PWWP2B: variants seen among roughly 807,000 people sequenced by gnomAD.
The protein encoded by PWWP2B is PWWP domain-containing protein 2B.
PWWP2B carries 9 observed loss-of-function variants against 15.5 expected under a neutral mutation model. The ratio of observed to expected loss-of-function variants is 0.58; its 90% CI spans 0.35 to 1.02. The LOEUF (loss-of-function observed/expected upper bound fraction) is 1.02. PWWP2B is among the 50% of genes least tolerant of loss of function. The pLI is 0.02. For missense variants in PWWP2B, 864 were observed against 865.3 expected (o/e 1.00, Z 0.02); for synonymous variants, 474 against 403.6 (o/e 1.17, Z -2.09).
chr10:132,414,293 G>C (rs2069817126), intron 2 of PWWP2B, among the ~76,000 whole-genome samples: 1 of 152,268 alleles, frequency 6.6e-6, no homozygotes, highest in East Asian at 1.9e-4. Flanking sequence ...AGGTCATGCT[G>C]TTGTTGATGG....
At chr10:132,401,042 G>A (rs545910647) in intron 1 of PWWP2B, among the ~76,000 whole-genome samples, 2 of 152,362 alleles carry the variant, frequency 1.3e-5, no homozygotes, top group East Asian at 3.9e-4. Flanking sequence ...GCAGACCTCA[G>A]GCCTGGGCCT....
At position 132,417,118 on chromosome 10, in the gene PWWP2B, C is replaced by T; in HGVS notation, c.*74C>T. ...GGAGCTTCCGATCTCTGTTCGGGGA[C>T]CCTGTGAGCCTTCTGGCCGGCTGCG... On this transcript the variant is annotated 3_prime_UTR_variant, in exon 3 of 3. Coordinates refer to ENST00000305233, the MANE Select transcript of PWWP2B (RefSeq NM_138499.4). The T allele has an allele frequency of 1.2e-6, 2 of 1,612,602 alleles. No individual in the cohort carries two copies. The highest frequency in any genetic ancestry group is 1.7e-5 in the Admixed American group (1 of 60,006).
In PWWP2B at chr10:132,417,832, A is replaced by G. The variant is rs1399957166; in HGVS notation, c.*788A>G. ...CTCTTTTTTGTCACTTTAAAGACCA[A>G]AAAGAATAAAGAAAGAAAAGAAAAA... On this transcript the variant is annotated 3_prime_UTR_variant, in exon 3 of 3. Coordinates refer to ENST00000305233, the MANE Select transcript of PWWP2B (RefSeq NM_138499.4). 1 of 152,292 alleles carries G rather than the reference A, an allele frequency of 6.6e-6. No homozygotes were observed. Among genetic ancestry groups the G allele is most frequent in the Non-Finnish European group, 1.5e-5 (1 of 68,052 alleles). The allele number at this position is 152,292 out of a possible 1,614,324, so 9.4% of individuals were successfully genotyped here. A position where few individuals can be genotyped will look rare whatever the true frequency, so the allele number is the denominator to read the frequency against.
chr10:132,408,325 A>G (rs1298217361), intron 2 of PWWP2B, among the ~76,000 whole-genome samples: 1 of 152,094 alleles, frequency 6.6e-6, no homozygotes, highest in Non-Finnish European at 1.5e-5. Flanking sequence ...TCCTTGAGGG[A>G]CACGTTTGCT....
intron 1 of PWWP2B, among the ~76,000 whole-genome samples, chr10:132,402,276 G>A (rs2069624531): frequency 6.6e-6 from 1 of 152,256 alleles, no homozygotes; most frequent in Non-Finnish European, 1.5e-5. Context: ...AGTGGTCAGG[G>A]TGCCATGTTC....
rs1254230928 is a variant in PWWP2B at position 132,417,235 on chromosome 10, G to A, written c.*191G>A. ...GGGAGGGGATGGCCCTGAGCCCAGC[G>A]GCTCCTCCCGCTGAGTGTATTTCTT... On this transcript the variant is annotated 3_prime_UTR_variant, in exon 3 of 3. Transcript: ENST00000305233. The A allele has an allele frequency of 7.9e-6, 6 of 760,380 alleles. No individual in the cohort carries two copies. The highest frequency in any genetic ancestry group is 1.4e-5 in the Non-Finnish European group (6 of 442,250). 47.1% of individuals were successfully genotyped at this position (760,380 alleles called of 1,614,324 possible). A position where few individuals can be genotyped will look rare whatever the true frequency, so the allele number is the denominator to read the frequency against.
At position 132,405,965 on chromosome 10, in the gene PWWP2B, G is replaced by T. The variant is rs770045919; in HGVS notation, c.1465G>T (p.Ala489Ser). 1 of 1,613,528 alleles carries T rather than the reference G, an allele frequency of 6.2e-7. No homozygotes were observed. Among genetic ancestry groups the T allele is most frequent in the Non-Finnish European group, 8.5e-7 (1 of 1,180,022 alleles). The change falls in exon 2 of 3, where the codon GCC becomes TCC. Residue 489 changes from alanine to serine, a missense_variant. Physicochemically the swap from Ala to Ser is moderately conservative, Grantham distance 99. This residue lies in a region of PWWP2B where 128 missense variants were observed against 177.6 expected (regional missense o/e 0.72). Transcript: ENST00000305233. ...ECITEDGRTV[A>S]VGDIVWGKIH... ...CATCACGGAGGACGGCAGGACTGTG[G>T]CCGTGGGGGACATCGTCTGGGGTAA...
Position 132,402,536 on chromosome 10 carries a change from T to C in PWWP2B, c.126-2090T>C, listed in dbSNP as rs759717996. On this transcript the variant is annotated intron_variant, in intron 1 of 2. Coordinates refer to ENST00000305233, the MANE Select transcript of PWWP2B (RefSeq NM_138499.4). ...GGCGTGTGCACCAGCGTGAGGAGTG[T>C]GCATGCACATGGACGTGCTTCTGTG... Among the ~76,000 whole-genome samples the C allele has an allele frequency of 2.0e-5, 3 of 152,244 alleles. No homozygotes were observed. The East Asian group carries it at 5.8e-4, about 29-fold the overall frequency.
intron 2 of PWWP2B, among the ~76,000 whole-genome samples, chr10:132,407,093 C>T (rs1053561073): frequency 1.8e-4 from 27 of 152,258 alleles, no homozygotes; most frequent in African/African-American, 6.0e-4. Context: ...GGGCTGGGGG[C>T]ACCACCCATG....
intron 2 of PWWP2B, among the ~76,000 whole-genome samples, chr10:132,414,653 G>A (rs1456926953): frequency 6.6e-6 from 1 of 152,234 alleles, no homozygotes. Flanking sequence ...GGCTCAGTTT[G>A]CCTTGTTACA....
chr10:132,405,148 G>A lies in PWWP2B; in HGVS notation c.648G>A (p.Glu216=), dbSNP rs1433616197. 1.9e-6 allele frequency: 3 copies of A among 1,546,320 alleles called. No individual in the cohort carries two copies. The highest frequency in any genetic ancestry group is 1.2e-5 in the South Asian group (1 of 84,246). ...SGPDRELRKP[E]EPENGEPTAA... is the part of the protein sequence containing the mutation. ...CGGACAGGGAGCTCCGCAAGCCGGAGGAGCCGGAGAACGGCGAGCCCACGG... is the reference window on the plus strand; with the variant it reads ...CGGACAGGGAGCTCCGCAAGCCGGAAGAGCCGGAGAACGGCGAGCCCACGG... Residue 216 remains glutamate (E), a synonymous_variant, in exon 2 of 3, where the codon GAG becomes GAA. Coordinates refer to ENST00000305233, the MANE Select transcript of PWWP2B (RefSeq NM_138499.4).
intron 1 of PWWP2B, among the ~76,000 whole-genome samples, chr10:132,399,109 G>C (rs553534259): frequency 2.8e-5 from 4 of 144,436 alleles, no homozygotes; most frequent in Non-Finnish European, 6.0e-5. Context: ...CTTGTATTCC[G>C]AGTCCCAGGG....
Position 132,405,149 on chromosome 10 carries a change from G to C in PWWP2B, c.649G>C (p.Glu217Gln), listed in dbSNP as rs1294825725. ...GGACAGGGAGCTCCGCAAGCCGGAG[G>C]AGCCGGAGAACGGCGAGCCCACGGC... ...GPDRELRKPEEPENGEPTAAA... is the reference protein window; with the variant it reads ...GPDRELRKPEQPENGEPTAAA... The change falls in exon 2 of 3, where the codon GAG becomes CAG. Residue 217 changes from glutamate to glutamine, a missense_variant. Glu to Gln is a conservative substitution (Grantham distance 29, BLOSUM62 2). Around this residue, in one of 2 missense-constraint regions of PWWP2B, gnomAD observed 736 missense variants for 687.7 expected, o/e 1.07. Coordinates refer to ENST00000305233, the MANE Select transcript of PWWP2B (RefSeq NM_138499.4). 1.9e-6 allele frequency: 3 copies of C among 1,546,514 alleles called. No individual in the cohort carries two copies. In the East Asian group the frequency reaches 7.3e-5, roughly 38 times the overall value.
rs542173648 is a variant in PWWP2B at position 132,416,308 on chromosome 10, G to A, written c.*17-753G>A. Among the ~76,000 whole-genome samples, 28 of 152,188 alleles carry A rather than the reference G, an allele frequency of 1.8e-4. 1 individual carries two copies. In the South Asian group the frequency reaches 5.6e-3, roughly 30 times the overall value. Reference sequence around the variant, plus strand: ...CTCTGCAGGCTCCGCTGCCTTCCCCGTCCCTGTGCTCTCCACCCACCGGCT... The same window carrying A: ...CTCTGCAGGCTCCGCTGCCTTCCCCATCCCTGTGCTCTCCACCCACCGGCT... On this transcript the variant is annotated intron_variant, in intron 2 of 2. Coordinates refer to ENST00000305233, the MANE Select transcript of PWWP2B (RefSeq NM_138499.4).
chr10:132,407,651 C>G (rs1590762287), intron 2 of PWWP2B, among the ~76,000 whole-genome samples: 1 of 152,238 alleles, frequency 6.6e-6, no homozygotes, highest in South Asian at 2.1e-4. Flanking sequence ...CTCCAGCCAC[C>G]CGGCTGCATC....
Position 132,417,416 on chromosome 10 carries a change from G to A in PWWP2B, c.*372G>A. On this transcript the variant is annotated 3_prime_UTR_variant, in exon 3 of 3. Transcript: ENST00000305233. Reference sequence around the variant, plus strand: ...TGCTGCCCGCATGCTGGGGTCCCATGGAGGAACCAGGCCTGGCGCCCCGGC... The same window carrying A: ...TGCTGCCCGCATGCTGGGGTCCCATAGAGGAACCAGGCCTGGCGCCCCGGC... 1 of 390,094 alleles carries A rather than the reference G, an allele frequency of 2.6e-6. No homozygotes were observed. Among genetic ancestry groups the A allele is most frequent in the Non-Finnish European group, 4.7e-6 (1 of 214,256 alleles). The allele number at this position is 390,094 out of a possible 1,614,324, so 24.2% of individuals were successfully genotyped here. A position where few individuals can be genotyped will look rare whatever the true frequency, so the allele number is the denominator to read the frequency against.
intron 1 of PWWP2B, among the ~76,000 whole-genome samples, chr10:132,398,435 C>T (rs2069566991): frequency 6.6e-6 from 1 of 152,234 alleles, no homozygotes; most frequent in African/African-American, 2.4e-5. Context: ...TGGGAGCTGC[C>T]ATCCCCTCCA....
At chr10:132,410,315 G>A (rs910539120) in intron 2 of PWWP2B, among the ~76,000 whole-genome samples, 1 of 142,460 alleles carries the variant, frequency 7.0e-6, no homozygotes, top group African/African-American at 2.6e-5. Flanking sequence ...GAGGGCTGGG[G>A]GCAAGGATCC....
chr10:132,403,030 A>G (rs1204912578), intron 1 of PWWP2B, among the ~76,000 whole-genome samples: 2 of 152,220 alleles, frequency 1.3e-5, no homozygotes, highest in East Asian at 1.9e-4. Context: ...GTCTTAGCCC[A>G]TCAGAGTTGA....
Sources: allele counts gnomAD v4.1 joint callset (sites outside exome capture counted in the v4.1 genomes callset), GRCh38; gene constraint gnomAD v4.1.1; regional missense constraint gnomAD v4.1.1; transcripts MANE v1.5; gene names NCBI Gene and HGNC (gene_info 2026-07-23, HGNC 2026-07-21).